Variants in SAMMSON observed in about 807,000 individuals in gnomAD.
The protein encoded by SAMMSON is long intergenic non-protein coding RNA 1212.
chr3:70,133,166 G>A (rs1474366153), intron 4 of SAMMSON, among the ~76,000 whole-genome samples: 1 of 152,114 alleles, frequency 6.6e-6, no homozygotes, highest in African/African-American at 2.4e-5. Context: ...ATAGCTGCAG[G>A]GTGGGGGCTG....
chr3:70,228,513 T>C (rs970627911), intron 4 of SAMMSON, among the ~76,000 whole-genome samples: 1 of 152,086 alleles, frequency 6.6e-6, no homozygotes, highest in Non-Finnish European at 1.5e-5. Context: ...ACCCCTGTTA[T>C]AGTTTTTCTA....
chr3:70,292,651 A>G (rs1309785508), intron 7 of SAMMSON, among the ~76,000 whole-genome samples: 3 of 152,158 alleles, frequency 2.0e-5, no homozygotes, highest in Admixed American at 2.0e-4. Flanking sequence ...TAAACTCCCT[A>G]ATGATTGATG....
At chr3:70,085,367 A>T (rs1411390075) in intron 4 of SAMMSON, among the ~76,000 whole-genome samples, 1 of 152,122 alleles carries the variant, frequency 6.6e-6, no homozygotes, top group African/African-American at 2.4e-5. Flanking sequence ...CTTGATTACT[A>T]GCTGGGATAT....
At chr3:70,090,034 C>T (rs1351239422) in intron 4 of SAMMSON, among the ~76,000 whole-genome samples, 1 of 152,108 alleles carries the variant, frequency 6.6e-6, no homozygotes. Flanking sequence ...TAAATTCTTT[C>T]CTACCCTTTT....
intron 7 of SAMMSON, among the ~76,000 whole-genome samples, chr3:70,348,350 G>C (rs1189012188): frequency 6.6e-6 from 1 of 152,174 alleles, no homozygotes; most frequent in African/African-American, 2.4e-5. Flanking sequence ...CACAGACTTA[G>C]CTTAAACAAG....
chr3:70,367,961 G>T (rs1426617374), intron 9 of SAMMSON, among the ~76,000 whole-genome samples: 8 of 143,922 alleles, frequency 5.6e-5, no homozygotes, highest in Non-Finnish European at 1.1e-4. Context: ...TTAAAATTGG[G>T]TTTTTTTTTT....
intron 2 of SAMMSON, among the ~76,000 whole-genome samples, chr3:70,420,842 G>T (rs1176164448): frequency 2.0e-5 from 3 of 152,150 alleles, no homozygotes; most frequent in Non-Finnish European, 2.9e-5. Flanking sequence ...CAGTGATGGA[G>T]AACCTAGAAC....
chr3:70,351,643 C>G (rs912817776), intron 7 of SAMMSON, among the ~76,000 whole-genome samples: 3 of 152,070 alleles, frequency 2.0e-5, no homozygotes, highest in African/African-American at 7.2e-5. Flanking sequence ...ATATCCCACA[C>G]TAGCAGCTGA....
At chr3:70,286,863 G>A (rs1441556299) in intron 6 of SAMMSON, among the ~76,000 whole-genome samples, 1 of 152,034 alleles carries the variant, frequency 6.6e-6, no homozygotes, top group East Asian at 1.9e-4. Flanking sequence ...CTGTTTGTCT[G>A]TTGTTGGTGT....
At chr3:70,063,318 A>G (rs2067197408) in intron 3 of SAMMSON, among the ~76,000 whole-genome samples, 1 of 152,076 alleles carries the variant, frequency 6.6e-6, no homozygotes, top group Admixed American at 6.6e-5. Context: ...CTTTGTGAAT[A>G]TTTTGGTCTT....
chr3:70,410,279 A>C (rs750509961), intron 2 of SAMMSON, among the ~76,000 whole-genome samples: 4 of 152,210 alleles, frequency 2.6e-5, no homozygotes, highest in Non-Finnish European at 4.4e-5. Flanking sequence ...AACCAGGTAT[A>C]GTGTTCATTC....
intron 2 of SAMMSON, among the ~76,000 whole-genome samples, chr3:70,418,409 A>G (rs1259798611): frequency 6.6e-6 from 1 of 152,048 alleles, no homozygotes; most frequent in African/African-American, 2.4e-5. Context: ...TTATCTCGGA[A>G]TGGGGTGGAT....
At chr3:70,376,483 C>T (rs1454834247) in intron 9 of SAMMSON, among the ~76,000 whole-genome samples, 1 of 152,114 alleles carries the variant, frequency 6.6e-6, no homozygotes, top group African/African-American at 2.4e-5. Context: ...AATCATTGTA[C>T]ACATACATTG....
intron 7 of SAMMSON, among the ~76,000 whole-genome samples, chr3:70,337,080 TATTCTTATTAATA>T (rs1284294890): frequency 2.1e-4 from 10 of 48,082 alleles, no homozygotes; most frequent in Non-Finnish European, 2.8e-4. Flanking sequence ...TCTAACTTAA[TATTCTTATTAATA>T]ATAATATCTA....
At chr3:70,051,808 G>A (rs534377505) in intron 3 of SAMMSON, among the ~76,000 whole-genome samples, 3 of 152,006 alleles carry the variant, frequency 2.0e-5, no homozygotes, top group Admixed American at 1.3e-4. Flanking sequence ...TTTTATTAAA[G>A]AGAATTCAGG....
intron 2 of SAMMSON, among the ~76,000 whole-genome samples, chr3:70,413,522 G>A (rs1439862602): frequency 6.6e-6 from 1 of 151,992 alleles, no homozygotes; most frequent in African/African-American, 2.4e-5. Context: ...TGTACGCAGA[G>A]TAATCAAAAT....
Position 70,377,959 on chromosome 3 carries a change from A to C in SAMMSON, n.914-11615A>C, listed in dbSNP as rs1484967022. Among the ~76,000 whole-genome samples the C allele has an allele frequency of 2.6e-5, 4 of 152,034 alleles. No homozygotes were observed. The East Asian group carries it at 7.7e-4, about 29-fold the overall frequency. On this transcript the variant is annotated intron_variant and non_coding_transcript_variant, in intron 9 of 9. Transcript: ENST00000642114. ...CATTTAATAAGTACTGGTGGAGTAC[A>C]TGAAGGAGAATACGCTCATACATTG...
In SAMMSON at chr3:70,021,609, C is replaced by G. The variant is rs565672921; in HGVS notation, n.417+7937C>G. Among the ~76,000 whole-genome samples the G allele has an allele frequency of 2.0e-5, 3 of 152,160 alleles. No individual in the cohort carries two copies. In the East Asian group the frequency reaches 5.8e-4, roughly 29 times the overall value. ...TCTTTGGTCTTCTGTAATTAATTGT[C>G]TTTAAGGATCCAAATCATTTTCAGT... On this transcript the variant is annotated intron_variant and non_coding_transcript_variant, in intron 3 of 9. Coordinates refer to ENST00000642114, the Ensembl canonical transcript of SAMMSON.
At chr3:70,202,985 T>C (rs1044362496) in intron 4 of SAMMSON, among the ~76,000 whole-genome samples, 9 of 152,058 alleles carry the variant, frequency 5.9e-5, no homozygotes, top group Admixed American at 5.9e-4. Flanking sequence ...CAACTTTGGG[T>C]CTTGTCACCT....
Sources: allele counts gnomAD v4.1 joint callset (sites outside exome capture counted in the v4.1 genomes callset), GRCh38; gene constraint gnomAD v4.1.1; transcripts MANE v1.5; gene names NCBI Gene and HGNC (gene_info 2026-07-23, HGNC 2026-07-21).